Variants in ENTPD3 observed in about 807,000 individuals in gnomAD.
ENTPD3 encodes the protein ectonucleoside triphosphate diphosphohydrolase 3.
A neutral mutation model predicts 51.2 loss-of-function variants in ENTPD3; 60 were observed. The observed-to-expected ratio is 1.17, with a 90% CI of 0.95 to 1.45. The LOEUF is 1.45. Among genes scored for constraint, ENTPD3 ranks in the 40% most tolerant of loss-of-function variants. The pLI, the probability that ENTPD3 is intolerant of heterozygous loss-of-function variation, is 0.00. For synonymous variants in ENTPD3, 221 were observed against 238.4 expected (o/e 0.93, Z 0.67); for missense variants, 593 against 641.1 (o/e 0.93, Z 0.81).
intron 2 of ENTPD3, 22 bp from the exon 3 acceptor site, chr3:40,392,001 C>T: frequency 6.2e-7 from 1 of 1,613,698 alleles, no homozygotes; most frequent in Non-Finnish European, 8.5e-7. Context: ...CCTCAAGTGT[C>T]TTCTGGGTCT....
At chr3:40,424,160 C>T in intron 10 of ENTPD3, 197 bp downstream of exon 10, 1 of 985,346 alleles carries the variant, frequency 1.0e-6, no homozygotes, top group Non-Finnish European at 1.2e-6. Context: ...TATACATTCT[C>T]CTGGAAAAGA....
chr3:40,427,565 C>T lies in ENTPD3; in HGVS notation c.*57C>T. 2.3e-6 allele frequency: 3 copies of T among 1,303,736 alleles called. No individual in the cohort carries two copies. In the South Asian group the frequency reaches 3.6e-5, roughly 16 times the overall value. 80.8% of individuals were successfully genotyped at this position (1,303,736 alleles called of 1,614,324 possible). On this transcript the variant is annotated 3_prime_UTR_variant, in exon 11 of 11. Transcript: ENST00000301825. ...TGCTTAGAGTCAGCCTGGGTGGCAC[C>T]AGGCAATGCAGGTGAAGTGGCTGCC...
At position 40,415,830 on chromosome 3, in the gene ENTPD3, C is replaced by T. The variant is rs1955732619; in HGVS notation, c.598-10C>T. 1 of 1,610,510 alleles carries T rather than the reference C, an allele frequency of 6.2e-7. No individual in the cohort carries two copies. The highest frequency in any genetic ancestry group is 8.5e-7 in the Non-Finnish European group (1 of 1,176,988). On this transcript the variant is annotated splice_polypyrimidine_tract_variant and intron_variant, in intron 6 of 10. Coordinates refer to ENST00000301825, the MANE Select transcript of ENTPD3 (RefSeq NM_001248.4). ...GGCTTTCTTTCTCACTTCCTTTTCC[C>T]ACTGTGCAGAAGAACCTGTGGCACA... is the stretch of plus-strand genomic sequence containing the variant.
At chr3:40,402,781 A>C (rs1228155321) in intron 4 of ENTPD3, among the ~76,000 whole-genome samples, 2 of 152,204 alleles carry the variant, frequency 1.3e-5, no homozygotes, top group Admixed American at 1.3e-4. Context: ...TTATTTAAGA[A>C]ATCCTTTTCT....
chr3:40,395,028 A>G (rs146144048), intron 3 of ENTPD3, among the ~76,000 whole-genome samples: 105 of 152,302 alleles, frequency 6.9e-4, no homozygotes, highest in African/African-American at 2.3e-3. Flanking sequence ...GACATCACCA[A>G]TGGTCTGAGG....
intron 3 of ENTPD3, among the ~76,000 whole-genome samples, chr3:40,397,414 T>C (rs994230361): frequency 1.3e-4 from 20 of 152,090 alleles, no homozygotes; most frequent in Non-Finnish European, 1.0e-4. Flanking sequence ...TAGAGTCCGT[T>C]AGACTCAGGC....
At chr3:40,411,175 C>A (rs1955620575) in intron 4 of ENTPD3, among the ~76,000 whole-genome samples, 1 of 151,176 alleles carries the variant, frequency 6.6e-6, no homozygotes, top group South Asian at 2.1e-4. Context: ...CCTGTAATTC[C>A]AGCTACTCAT....
intron 10 of ENTPD3, among the ~76,000 whole-genome samples, chr3:40,425,333 T>C (rs182382010): frequency 1.9e-4 from 29 of 152,092 alleles, no homozygotes; most frequent in Admixed American, 3.3e-4. Flanking sequence ...GGAGAATCAC[T>C]TGCACCTGGG....
chr3:40,396,860 A>G (rs1257855217), intron 3 of ENTPD3, among the ~76,000 whole-genome samples: 1 of 152,222 alleles, frequency 6.6e-6, no homozygotes, highest in Non-Finnish European at 1.5e-5. Flanking sequence ...GCACAGTCTA[A>G]AGGTTTTAAG....
intron 3 of ENTPD3, among the ~76,000 whole-genome samples, chr3:40,395,048 G>C (rs562197451): frequency 2.8e-4 from 43 of 152,344 alleles, no homozygotes; most frequent in African/African-American, 1.0e-3. Context: ...GGGTGGCCAA[G>C]AGGCAGCTGC....
chr3:40,422,533 G>C (rs1392724338), intron 7 of ENTPD3, among the ~76,000 whole-genome samples: 1 of 112,180 alleles, frequency 8.9e-6, no homozygotes, highest in Non-Finnish European at 1.7e-5. Flanking sequence ...ACAGTCCCCA[G>C]AGTGTGATGT....
chr3:40,421,434 T>G (rs1482050087), intron 7 of ENTPD3, among the ~76,000 whole-genome samples: 2 of 152,180 alleles, frequency 1.3e-5, no homozygotes, highest in Non-Finnish European at 2.9e-5. Flanking sequence ...ATCAACAACA[T>G]TCAGGACTTT....
intron 7 of ENTPD3, among the ~76,000 whole-genome samples, chr3:40,418,974 AAG>A (rs1559517406): frequency 6.6e-6 from 1 of 152,194 alleles, no homozygotes; most frequent in Non-Finnish European, 1.5e-5. Flanking sequence ...AAACCATAGA[AAG>A]AGTGTTAAAG....
intron 10 of ENTPD3, chr3:40,424,169 G>A (rs1476580566): frequency 1.0e-6 from 1 of 985,290 alleles, no homozygotes; most frequent in East Asian, 1.1e-4. Flanking sequence ...TCCTGGAAAA[G>A]ACTGGAAGCC....
Position 40,411,885 on chromosome 3 carries a change from C to A in ENTPD3, c.360C>A (p.Val120=). Residue 120 remains valine, a synonymous_variant, in exon 5 of 11, where the codon GTC becomes GTA. Coordinates refer to ENST00000301825, the MANE Select transcript of ENTPD3 (RefSeq NM_001248.4). ...CCTTTGAGGAGTGTATGCAAAAAGT[C>A]AAGGGGCAGGTTCCATCCCACCTCC... ...PRAFEECMQK[V]KGQVPSHLHG... is the part of the protein sequence containing the mutation. 1 of 1,612,610 alleles carries A rather than the reference C, an allele frequency of 6.2e-7. No homozygotes were observed. The highest frequency in any genetic ancestry group is 8.5e-7 in the Non-Finnish European group (1 of 1,179,450).
At chr3:40,389,309 C>T (rs954448448) in intron 2 of ENTPD3, among the ~76,000 whole-genome samples, 2 of 152,050 alleles carry the variant, frequency 1.3e-5, no homozygotes, top group African/African-American at 4.8e-5. Context: ...AAAAGTTTGC[C>T]TCTGTGGATT....
intron 3 of ENTPD3, chr3:40,392,661 G>A (rs1955089484): frequency 6.5e-6 from 1 of 152,954 alleles, no homozygotes; most frequent in Non-Finnish European, 1.5e-5. Context: ...CCCTGATAAT[G>A]AGTAAAGACC....
At chr3:40,405,767 G>C (rs1411220827) in intron 4 of ENTPD3, among the ~76,000 whole-genome samples, 1 of 152,034 alleles carries the variant, frequency 6.6e-6, no homozygotes, top group East Asian at 1.9e-4. Context: ...TACTCCCAAG[G>C]TTTCACCATT....
chr3:40,393,318 G>A (rs1415335032), intron 3 of ENTPD3, among the ~76,000 whole-genome samples: 2 of 152,106 alleles, frequency 1.3e-5, no homozygotes, highest in Non-Finnish European at 2.9e-5. Context: ...CATTAAGAAT[G>A]TACAAACCCT....
Sources: gnomAD v4.1 joint callset for allele counts (sites outside exome capture counted in the v4.1 genomes callset) on GRCh38, gnomAD v4.1.1 for gene constraint, MANE v1.5 for transcripts, NCBI Gene and HGNC (gene_info 2026-07-23, HGNC 2026-07-21) for gene names.